Variants in USP40 observed in about 807,000 individuals in gnomAD.
USP40 encodes the protein ubiquitin carboxyl-terminal hydrolase 40.
A neutral mutation model predicts 166.2 loss-of-function variants in USP40; 143 were observed. The ratio of observed to expected loss-of-function variants is 0.86; its 90% CI spans 0.75 to 0.99. USP40 has a LOEUF of 0.99. Among genes scored for constraint, USP40 ranks in the 50% least tolerant of loss-of-function variants. The pLI is 0.00. For synonymous variants in USP40, 498 were observed against 524.0 expected, an observed-to-expected ratio of 0.95 and a Z score of 0.68; for missense variants, 1,444 against 1,479.7, an observed-to-expected ratio of 0.98 and a Z score of 0.40.
At chr2:233,562,637 G>A (rs1484666025) in intron 3 of USP40, 99 bp downstream of exon 3, 4 of 826,292 alleles carry the variant, frequency 4.8e-6, no homozygotes, top group Non-Finnish European at 6.7e-6. Context: ...AGTGGGTGCA[G>A]CGCACCAGCA....
intron 5 of USP40, among the ~76,000 whole-genome samples, chr2:233,556,009 G>C (rs528060803): frequency 1.3e-5 from 2 of 151,526 alleles, no homozygotes; most frequent in Admixed American, 6.6e-5. Flanking sequence ...CCAGCTACTC[G>C]GGAGGCTAAG....
chr2:233,510,392 CTTT>C (rs1158427662), intron 20 of USP40, among the ~76,000 whole-genome samples: 4 of 68,690 alleles, frequency 5.8e-5, no homozygotes, highest in Non-Finnish European at 7.9e-5. Context: ...CTTTTTCTTT[CTTT>C]TTTTTTTTTT....
chr2:233,557,413 C>T (rs892502958), intron 4 of USP40, among the ~76,000 whole-genome samples: 3 of 152,058 alleles, frequency 2.0e-5, no homozygotes, highest in Admixed American at 6.6e-5. Context: ...GTGAATAGTC[C>T]GAATTATCAA....
Position 233,534,837 on chromosome 2 carries a change from A to G in USP40, c.1171-1058T>C, listed in dbSNP as rs1485745491. Among the ~76,000 whole-genome samples the G allele has an allele frequency of 2.0e-5, 3 of 152,184 alleles. No homozygotes were observed. The South Asian group carries it at 6.2e-4, about 31-fold the overall frequency. On this transcript the variant is annotated intron_variant, in intron 10 of 31. Coordinates refer to ENST00000678225, the MANE Select transcript of USP40 (RefSeq NM_001365479.2). ...TTTCTTTGTTTGATAGTTGAGAATT[A>G]ACTCTTTTAAGCCTCAAACATCAGT... is the stretch of plus-strand genomic sequence containing the variant.
At chr2:233,514,319 T>C (rs2067032032) in intron 18 of USP40, among the ~76,000 whole-genome samples, 1 of 152,154 alleles carries the variant, frequency 6.6e-6, no homozygotes, top group South Asian at 2.1e-4. Context: ...CAAGATTAAC[T>C]GGGACTGTGT....
chr2:233,560,837 C>CA (rs948676984), intron 3 of USP40: 2 of 536,864 alleles, frequency 3.7e-6, no homozygotes, highest in Non-Finnish European at 6.7e-6. Context: ...GGTATTGTTG[C>CA]AAAAAAAGTG....
chr2:233,490,967 G>A, intron 26 of USP40, 200 bp downstream of exon 26: 1 of 700,690 alleles, frequency 1.4e-6, no homozygotes, highest in Non-Finnish European at 2.7e-6. Context: ...CCTGTCAGAG[G>A]AGGGACCAGT....
chr2:233,516,963 GT>G (rs2067241959), intron 18 of USP40, among the ~76,000 whole-genome samples: 1 of 151,650 alleles, frequency 6.6e-6, no homozygotes, highest in Non-Finnish European at 1.5e-5. Context: ...GTATTTTCTA[GT>G]TTTTAGTGTA....
chr2:233,514,343 A>G (rs2067034215), intron 18 of USP40, among the ~76,000 whole-genome samples: 1 of 151,776 alleles, frequency 6.6e-6, no homozygotes, highest in African/African-American at 2.4e-5. Context: ...CAGGGATGAA[A>G]GGAGAAGGAA....
At chr2:233,564,692 G>GA (rs1238645723) in intron 2 of USP40, among the ~76,000 whole-genome samples, 4 of 151,988 alleles carry the variant, frequency 2.6e-5, no homozygotes, top group Non-Finnish European at 2.9e-5. Flanking sequence ...AAGATAATAT[G>GA]AAAAAAGTGT....
chr2:233,562,836 G>A lies in USP40; in HGVS notation c.200-33C>T, dbSNP rs764398070. Reference sequence around the variant, plus strand: ...AAAAGGTAGAATCAGAGATGCAAATGACATCATTTCATTTTAAAAAATTGT... The same window carrying A: ...AAAAGGTAGAATCAGAGATGCAAATAACATCATTTCATTTTAAAAAATTGT... On this transcript the variant is annotated intron_variant, in intron 2 of 31. Coordinates refer to ENST00000678225, the MANE Select transcript of USP40 (RefSeq NM_001365479.2). 16 of 1,469,920 alleles carry A rather than the reference G, an allele frequency of 1.1e-5. No homozygotes were observed. In the South Asian group the frequency reaches 1.3e-4, roughly 12 times the overall value. 91.1% of individuals were successfully genotyped at this position (1,469,920 alleles called of 1,614,324 possible). A position where few individuals can be genotyped will look rare whatever the true frequency, so the allele number is the denominator to read the frequency against.
chr2:233,504,208 C>A (rs1425419340), intron 21 of USP40, among the ~76,000 whole-genome samples: 2 of 151,902 alleles, frequency 1.3e-5, no homozygotes, highest in Non-Finnish European at 2.9e-5. Context: ...AACCATCAAA[C>A]CACAGAAGTA....
chr2:233,524,594 C>A, intron 14 of USP40, 32 bp from the exon 15 acceptor site: 1 of 1,507,962 alleles, frequency 6.6e-7, no homozygotes, highest in Non-Finnish European at 8.9e-7. Flanking sequence ...GACCATTCAT[C>A]ATGACCATCA....
intron 8 of USP40, among the ~76,000 whole-genome samples, chr2:233,544,550 C>T (rs1300908915): frequency 1.3e-5 from 2 of 152,152 alleles, no homozygotes; most frequent in African/African-American, 4.8e-5. Flanking sequence ...CATCCTGAGG[C>T]ATCTAAGAGT....
At chr2:233,535,860 T>A (rs12692195) in intron 10 of USP40, among the ~76,000 whole-genome samples, 120,417 of 152,094 alleles carry the variant, frequency 0.79, 47,752 homozygotes, top group East Asian at 0.87. Context: ...CAGAAAATAA[T>A]AACATACTGT....
rs1175952861 is a variant in USP40, at chr2:233,542,192, C to T, written c.1062+76G>A. 1.2e-5 allele frequency: 9 copies of T among 736,434 alleles called. No individual in the cohort carries two copies. The African/African-American group carries it at 1.3e-4, about 11-fold the overall frequency. The allele number at this position is 736,434 out of a possible 1,614,324, so 45.6% of individuals were successfully genotyped here. On this transcript the variant is annotated intron_variant, in intron 9 of 31. Transcript: ENST00000678225. ...ACCTAGCAATTAAACCGCATACATT[C>T]TTACATATATACACACATGCACACA...
chr2:233,560,952 A>G, intron 3 of USP40: 1 of 705,584 alleles, frequency 1.4e-6, no homozygotes, highest in Admixed American at 2.2e-5. Flanking sequence ...TTTATAAAGC[A>G]GTAGCAGTAT....
rs756299327 is a variant in USP40, at chr2:233,551,415, T to G, written c.798A>C (p.Thr266=). 1.9e-6 allele frequency: 3 copies of G among 1,608,812 alleles called. No homozygotes were observed. The highest frequency in any genetic ancestry group is 1.7e-6 in the Non-Finnish European group (2 of 1,176,392). The change falls in exon 7 of 32, where the codon ACA becomes ACC. Residue 266 remains threonine (T), a synonymous_variant. Coordinates refer to ENST00000678225, the MANE Select transcript of USP40 (RefSeq NM_001365479.2). Reference sequence around the variant, plus strand: ...GCTTGAGATTAATCCGGAGAGGGAATGTATAACAGCTAGTTTCCTTGTAGC... The same window carrying G: ...GCTTGAGATTAATCCGGAGAGGGAAGGTATAACAGCTAGTTTCCTTGTAGC... ...CERYKETSCY[T]FPLRINLKPF...
chr2:233,554,300 C>T, intron 6 of USP40, 80 bp downstream of exon 6: 20 of 1,394,024 alleles, frequency 1.4e-5, no homozygotes, highest in Non-Finnish European at 1.9e-5. Context: ...TCAAGTATAT[C>T]CTCGAGACTT....
Sources: gnomAD v4.1 joint callset for allele counts (sites outside exome capture counted in the v4.1 genomes callset) on GRCh38, gnomAD v4.1.1 for gene constraint, MANE v1.5 for transcripts, NCBI Gene and HGNC (gene_info 2026-07-23, HGNC 2026-07-21) for gene names.